Variants in GLRX3 observed in about 807,000 individuals in gnomAD.
The protein encoded by GLRX3 is glutaredoxin-3.
Under a neutral mutation model 49.5 loss-of-function variants are expected in GLRX3, and 22 were observed. The ratio of observed to expected loss-of-function variants is 0.44; its 90% confidence interval spans 0.32 to 0.63. GLRX3 has a LOEUF of 0.63. Ranked by LOEUF, GLRX3 falls within the 30% of genes least tolerant of loss-of-function variation. The pLI, the probability that GLRX3 is intolerant of heterozygous loss-of-function variation, is 0.05. For missense variants in GLRX3, 385 were observed against 396.3 expected, an observed-to-expected ratio of 0.97 and a Z score of 0.24; for synonymous variants, 133 against 140.0, an observed-to-expected ratio of 0.95 and a Z score of 0.35.
At chr10:130,146,048 C>T (rs993529816) in intron 2 of GLRX3, among the ~76,000 whole-genome samples, 8 of 152,154 alleles carry the variant, frequency 5.3e-5, no homozygotes, top group Non-Finnish European at 1.0e-4. Flanking sequence ...TCACCTTGGC[C>T]TCCCAAAGTA....
In GLRX3 at chr10:130,149,449, A is replaced by C. The variant is rs148413856; in HGVS notation, c.201+4130A>C. ...AGAGCAAGACTCCGTCTCAAAAAAA[A>C]AAAACAAAACAGGAAAAGTCTTAGA... On this transcript the variant is annotated intron_variant, in intron 2 of 10. Transcript: ENST00000331244. Among the ~76,000 whole-genome samples the C allele has an allele frequency of 5.4e-3, 823 of 152,158 alleles. 8 individuals are homozygous for C. Among genetic ancestry groups the C allele is most frequent in the Middle Eastern group, 0.027 (8 of 294 alleles).
chr10:130,137,716 A>C (rs1305278496), intron 1 of GLRX3, among the ~76,000 whole-genome samples: 1 of 152,136 alleles, frequency 6.6e-6, no homozygotes, highest in Non-Finnish European at 1.5e-5. Context: ...TGGTTCATGG[A>C]ATTCACAGGC....
intron 1 of GLRX3, among the ~76,000 whole-genome samples, chr10:130,136,982 G>T (rs1376465444): frequency 6.6e-6 from 1 of 152,264 alleles, no homozygotes; most frequent in Non-Finnish European, 1.5e-5. Flanking sequence ...GGAGCGGCAG[G>T]CTCGGCGTCG....
chr10:130,163,979 T>TC (rs1263538002), intron 4 of GLRX3, among the ~76,000 whole-genome samples: 1 of 152,214 alleles, frequency 6.6e-6, no homozygotes, highest in Non-Finnish European at 1.5e-5. Flanking sequence ...GATTAGTTTG[T>TC]CCCCACCTTG....
Position 130,159,719 on chromosome 10 carries a change from C to G in GLRX3, c.202-276C>G, listed in dbSNP as rs752470544. On this transcript the variant is annotated intron_variant, in intron 2 of 10. Coordinates refer to ENST00000331244, the MANE Select transcript of GLRX3 (RefSeq NM_006541.5). The stretch of plus-strand genomic sequence containing the variant: ...ATATGATTGAAAATTTACTAGGTCA[C>G]TAGTGCACCAAAAATTTTATTCACA... The G allele has an allele frequency of 4.4e-6, 4 of 916,666 alleles. No individual in the cohort carries two copies. In the East Asian group the frequency reaches 1.8e-4, roughly 40 times the overall value. The allele number at this position is 916,666 out of a possible 1,614,324, so 56.8% of individuals were successfully genotyped here. A position where few individuals can be genotyped will look rare whatever the true frequency, so the allele number is the denominator to read the frequency against.
intron 1 of GLRX3, among the ~76,000 whole-genome samples, chr10:130,137,745 T>C (rs1174664264): frequency 6.6e-6 from 1 of 152,150 alleles, no homozygotes; most frequent in Non-Finnish European, 1.5e-5. Context: ...TTGTTTTGTT[T>C]TGTTTTTGAG....
chr10:130,149,109 T>C (rs1246570790), intron 2 of GLRX3, among the ~76,000 whole-genome samples: 2 of 152,162 alleles, frequency 1.3e-5, no homozygotes, highest in Non-Finnish European at 2.9e-5. Context: ...GCTGTGTTTA[T>C]AATGGGTGGT....
chr10:130,150,073 C>G (rs1455715610), intron 2 of GLRX3, among the ~76,000 whole-genome samples: 1 of 151,296 alleles, frequency 6.6e-6, no homozygotes, highest in Non-Finnish European at 1.5e-5. Flanking sequence ...CCCATCTCTA[C>G]TAAAAATACA....
chr10:130,176,272 AC>A (rs1862918176), intron 10 of GLRX3, among the ~76,000 whole-genome samples: 1 of 151,916 alleles, frequency 6.6e-6, no homozygotes, highest in African/African-American at 2.4e-5. Flanking sequence ...GGCACCCGCC[AC>A]CACGCCCCAC....
At chr10:130,147,755 G>A (rs1380047304) in intron 2 of GLRX3, among the ~76,000 whole-genome samples, 2 of 152,168 alleles carry the variant, frequency 1.3e-5, no homozygotes, top group African/African-American at 4.8e-5. Context: ...TAAGAGAGGC[G>A]TGCAGGCTGG....
intron 4 of GLRX3, among the ~76,000 whole-genome samples, chr10:130,166,158 G>A (rs1862680800): frequency 6.6e-6 from 1 of 151,976 alleles, no homozygotes; most frequent in Non-Finnish European, 1.5e-5. Flanking sequence ...TCACCCCCAG[G>A]TCTCTGCTTT....
At chr10:130,152,129 C>T (rs1350256122) in intron 2 of GLRX3, among the ~76,000 whole-genome samples, 3 of 152,086 alleles carry the variant, frequency 2.0e-5, no homozygotes, top group Non-Finnish European at 2.9e-5. Flanking sequence ...AGCGATTCTC[C>T]TGCCTCAGCC....
intron 4 of GLRX3, among the ~76,000 whole-genome samples, chr10:130,164,162 A>G (rs577986971): frequency 2.8e-4 from 42 of 152,078 alleles, no homozygotes; most frequent in Non-Finnish European, 5.6e-4. Flanking sequence ...GCAGAATTGT[A>G]TGGTGTGTTA....
At position 130,171,632 on chromosome 10, in the gene GLRX3, A is replaced by C; in HGVS notation, c.820A>C (p.Thr274Pro). Residue 274 changes from threonine to proline, a missense_variant, in exon 8 of 11, where the codon ACT becomes CCT. This residue lies in a region of GLRX3 where 374 missense variants were observed against 358.6 expected (regional missense o/e 1.04). Transcript: ENST00000331244. ...SKQILEILNS[T>P]GVEYETFDIL... is the part of the protein sequence containing the mutation. ...ACAAATTCTGGAAATACTAAATAGT[A>C]CTGGGTATGTAAATGTTGTTTTCAA... is the stretch of plus-strand genomic sequence containing the variant. 2 of 1,486,594 alleles carry C rather than the reference A, an allele frequency of 1.3e-6. No individual in the cohort carries two copies. The highest frequency in any genetic ancestry group is 2.3e-5 in the South Asian group (2 of 88,464). 92.1% of individuals were successfully genotyped at this position (1,486,594 alleles called of 1,614,324 possible). A position where few individuals can be genotyped will look rare whatever the true frequency, so the allele number is the denominator to read the frequency against.
chr10:130,175,515 C>T lies in GLRX3; in HGVS notation c.957+426C>T, dbSNP rs192502043. Among the ~76,000 whole-genome samples the T allele has an allele frequency of 1.1e-4, 16 of 152,212 alleles. No homozygotes were observed. In the South Asian group the frequency reaches 1.2e-3, roughly 12 times the overall value. ...CTGAGGATCACTGCCCCTGGTCCCC[C>T]GAAAGAAAAAATGTAGGTCCTTTTT... On this transcript the variant is annotated intron_variant, in intron 10 of 10. Transcript: ENST00000331244.
At chr10:130,175,787 T>G (rs1862905367) in intron 10 of GLRX3, among the ~76,000 whole-genome samples, 1 of 152,242 alleles carries the variant, frequency 6.6e-6, no homozygotes, top group South Asian at 2.1e-4. Context: ...GCTCTTTGAT[T>G]AGCCCAAAAC....
chr10:130,138,472 G>A (rs1260097171), intron 1 of GLRX3, among the ~76,000 whole-genome samples: 1 of 152,192 alleles, frequency 6.6e-6, no homozygotes, highest in Non-Finnish European at 1.5e-5. Context: ...TTTGGAAATG[G>A]GGAGGGGTGC....
At chr10:130,159,723 T>C in intron 2 of GLRX3, 1 of 1,012,388 alleles carries the variant, frequency 9.9e-7, no homozygotes, top group Non-Finnish European at 1.3e-6. Flanking sequence ...AGGTCACTAG[T>C]GCACCAAAAA....
At chr10:130,178,796 G>A (rs1048797209) in intron 10 of GLRX3, among the ~76,000 whole-genome samples, 9 of 151,924 alleles carry the variant, frequency 5.9e-5, no homozygotes, top group African/African-American at 1.9e-4. Flanking sequence ...TCCACCTCCC[G>A]GGTTCAGGAG....
Sources: gnomAD v4.1 joint callset for allele counts (sites outside exome capture counted in the v4.1 genomes callset) on GRCh38, gnomAD v4.1.1 for gene constraint, gnomAD v4.1.1 regional missense constraint, MANE v1.5 for transcripts, NCBI Gene and HGNC (gene_info 2026-07-23, HGNC 2026-07-21) for gene names.